PTPRD: variants seen among roughly 807,000 people sequenced by gnomAD.
The protein encoded by PTPRD is protein tyrosine phosphatase receptor type D, also known as receptor-type tyrosine-protein phosphatase delta.
Under a neutral mutation model 214.5 loss-of-function variants are expected in PTPRD, and 34 were observed. The ratio of observed to expected loss-of-function variants is 0.16; its 90% CI spans 0.12 to 0.21. PTPRD has a LOEUF of 0.21. PTPRD is among the 10% of genes least tolerant of loss of function. The probability of loss-of-function intolerance (pLI) is 1.00; values close to 1 mark genes in which losing one functional copy is unlikely to be tolerated. For synonymous variants in PTPRD, 1,128 were observed against 845.7 expected (o/e 1.33, Z -5.79); for missense variants, 2,545 against 2,398.7 (o/e 1.06, Z -1.27).
chr9:10,014,283 G>A (rs1249419792), intron 4 of PTPRD, among the ~76,000 whole-genome samples: 2 of 151,956 alleles, frequency 1.3e-5, no homozygotes, highest in African/African-American at 4.8e-5. Context: ...TAAGTAATTT[G>A]AGCTGCAATT....
chr9:9,499,694 C>A (rs1221607250), intron 8 of PTPRD, among the ~76,000 whole-genome samples: 2 of 151,956 alleles, frequency 1.3e-5, no homozygotes, highest in Non-Finnish European at 1.5e-5. Context: ...CAGTTAGGAC[C>A]TACTTTATTC....
intron 10 of PTPRD, among the ~76,000 whole-genome samples, chr9:9,140,812 T>C (rs2099859058): frequency 6.6e-6 from 1 of 152,132 alleles, no homozygotes; most frequent in African/African-American, 2.4e-5. Flanking sequence ...TCTCCTGACC[T>C]CGTGATCTGC....
At chr9:9,106,207 C>T (rs1274970235) in intron 10 of PTPRD, among the ~76,000 whole-genome samples, 1 of 151,910 alleles carries the variant, frequency 6.6e-6, no homozygotes, top group Non-Finnish European at 1.5e-5. Flanking sequence ...ATGTTGAATC[C>T]TATGAAACAG....
At chr9:9,750,431 C>T (rs1052819416) in intron 6 of PTPRD, among the ~76,000 whole-genome samples, 1 of 152,156 alleles carries the variant, frequency 6.6e-6, no homozygotes, top group African/African-American at 2.4e-5. Context: ...GCCTCTACCC[C>T]ACATTCTCTT....
chr9:9,938,639 C>A (rs2090396656), intron 4 of PTPRD, 29 bp from the exon 5 acceptor site: 1 of 152,092 alleles, frequency 6.6e-6, no homozygotes, highest in Non-Finnish European at 1.5e-5. Context: ...TCAGTCATTT[C>A]TTCATGTTCC....
chr9:10,000,377 A>G (rs2096277079), intron 4 of PTPRD, among the ~76,000 whole-genome samples: 1 of 152,140 alleles, frequency 6.6e-6, no homozygotes, highest in South Asian at 2.1e-4. Flanking sequence ...CTTTTCACCT[A>G]GAAACGATCA....
chr9:9,348,716 T>C (rs187486885), intron 9 of PTPRD, among the ~76,000 whole-genome samples: 1 of 152,240 alleles, frequency 6.6e-6, no homozygotes, highest in Admixed American at 6.6e-5. Context: ...CCTACTCTCA[T>C]ATAACTTAAT....
chr9:9,712,741 C>T (rs1208616056), intron 7 of PTPRD, among the ~76,000 whole-genome samples: 1 of 152,150 alleles, frequency 6.6e-6, no homozygotes, highest in African/African-American at 2.4e-5. Flanking sequence ...GATTTTCTTG[C>T]TTCATCTGAG....
intron 37 of PTPRD, among the ~76,000 whole-genome samples, chr9:8,386,629 G>A (rs2087167596): frequency 1.3e-5 from 2 of 152,120 alleles, no homozygotes; most frequent in Admixed American, 1.3e-4. Context: ...TGGCTGCTGG[G>A]AATTGAAAAT....
chr9:8,724,527 T>G (rs1177067448), intron 12 of PTPRD, among the ~76,000 whole-genome samples: 1 of 152,138 alleles, frequency 6.6e-6, no homozygotes, highest in Non-Finnish European at 1.5e-5. Flanking sequence ...TCTTTTAAAG[T>G]TGTAAATGTC....
chr9:10,572,582 G>C (rs1463777650), intron 2 of PTPRD, among the ~76,000 whole-genome samples: 1 of 152,170 alleles, frequency 6.6e-6, no homozygotes, highest in African/African-American at 2.4e-5. Flanking sequence ...TCAGCATGTA[G>C]ATGGGGGAGG....
chr9:10,102,522 C>A (rs1350594915), intron 3 of PTPRD, among the ~76,000 whole-genome samples: 1 of 151,460 alleles, frequency 6.6e-6, no homozygotes, highest in Non-Finnish European at 1.5e-5. Context: ...TCTACCATCC[C>A]TTGCTGGATT....
At chr9:8,343,983 TAA>T (rs891572234) in intron 39 of PTPRD, among the ~76,000 whole-genome samples, 3 of 152,058 alleles carry the variant, frequency 2.0e-5, no homozygotes, top group Admixed American at 2.0e-4. Context: ...TGATCAGGAA[TAA>T]AGAGACAGGA....
chr9:10,382,913 G>A (rs1366057106), intron 2 of PTPRD, among the ~76,000 whole-genome samples: 1 of 151,808 alleles, frequency 6.6e-6, no homozygotes, highest in Admixed American at 6.6e-5. Context: ...GTGTGGTGTA[G>A]AGTGAGGAGA....
intron 43 of PTPRD, among the ~76,000 whole-genome samples, chr9:8,335,699 A>G (rs1845960317): frequency 6.6e-6 from 1 of 152,178 alleles, no homozygotes; most frequent in Non-Finnish European, 1.5e-5. Flanking sequence ...GAGGAAGTGA[A>G]ATTGTCTCTG....
intron 11 of PTPRD, among the ~76,000 whole-genome samples, chr9:8,896,184 A>T (rs2098608976): frequency 6.6e-6 from 1 of 152,206 alleles, no homozygotes; most frequent in Non-Finnish European, 1.5e-5. Flanking sequence ...AAACATGCAG[A>T]CTATATTGCA....
intron 11 of PTPRD, among the ~76,000 whole-genome samples, chr9:8,837,378 T>G (rs926730836): frequency 3.3e-5 from 5 of 152,160 alleles, no homozygotes; most frequent in Admixed American, 3.3e-4. Flanking sequence ...TAAAGATTGT[T>G]TTTCCTCCAG....
At chr9:10,435,485 C>T (rs1282474430) in intron 2 of PTPRD, among the ~76,000 whole-genome samples, 1 of 151,842 alleles carries the variant, frequency 6.6e-6, no homozygotes, top group Non-Finnish European at 1.5e-5. Context: ...GCCAGTTTTA[C>T]AGTCTGAATT....
Position 9,934,318 on chromosome 9 carries a change from T to C in PTPRD, c.-368+4189A>G, listed in dbSNP as rs527913932. Among the ~76,000 whole-genome samples the C allele has an allele frequency of 1.4e-4, 21 of 151,032 alleles. No homozygotes were observed. The South Asian group carries it at 3.5e-3, about 26-fold the overall frequency. ...TGGTTTTTTGAAAAGATCAACAAAA[T>C]AGACTGCTAGCAAGACTAATAAAGA... On this transcript the variant is annotated intron_variant, in intron 5 of 45. Coordinates refer to ENST00000381196, the MANE Select transcript of PTPRD (RefSeq NM_002839.4).
Sources: gnomAD v4.1 joint callset for allele counts (sites outside exome capture counted in the v4.1 genomes callset) on GRCh38, gnomAD v4.1.1 for gene constraint, MANE v1.5 for transcripts, NCBI Gene and HGNC (gene_info 2026-07-23, HGNC 2026-07-21) for gene names.